Variants in TMC5 observed in about 807,000 individuals in gnomAD.
TMC5 encodes the protein transmembrane channel like 5, also known as transmembrane channel-like protein 5.
Under a neutral mutation model 110.5 loss-of-function variants are expected in TMC5, and 86 were observed. The observed-to-expected ratio is 0.78, with a 90% CI of 0.65 to 0.93. TMC5 has a LOEUF of 0.93. TMC5 is among the 40% of genes least tolerant of loss of function. The pLI, the probability that TMC5 is intolerant of heterozygous loss-of-function variation, is 0.00. For missense variants in TMC5, 1,144 were observed against 1,222.8 expected (o/e 0.94, Z 0.96); for synonymous variants, 455 against 439.5 (o/e 1.04, Z -0.44).
Position 19,472,106 on chromosome 16 carries a change from C to T in TMC5, c.1801C>T (p.Arg601Cys), listed in dbSNP as rs112279462. 5.1e-5 allele frequency: 82 copies of T among 1,613,954 alleles called. No individual in the cohort carries two copies. In the East Asian group the frequency reaches 5.1e-4, roughly 10 times the overall value. ...TTTCTAGGAGAACCTGTCAGAGCTCCGTCAGGAGAATTCCAAGTTGACGTT... is the reference window on the plus strand; with the variant it reads ...TTTCTAGGAGAACCTGTCAGAGCTCTGTCAGGAGAATTCCAAGTTGACGTT... Reference protein sequence around the residue: ...TEIRENLSELRQENSKLTFNQ... With the variant: ...TEIRENLSELCQENSKLTFNQ... The change falls in exon 11 of 22, where the codon CGT becomes TGT. Residue 601 changes from arginine to cysteine, a missense_variant. Coordinates refer to ENST00000542583, the MANE Select transcript of TMC5 (RefSeq NM_001261841.2).
At chr16:19,417,563 A>C (rs111844946), upstream of TMC5, 1 of 137,328 alleles carries the variant, frequency 7.3e-6, no homozygotes, top group African/African-American at 3.6e-5. Context: ...ACACAAAACG[A>C]ATCTATTTAC....
In TMC5 at chr16:19,440,673, T is replaced by C; in HGVS notation, c.635T>C (p.Ile212Thr). Reference sequence around the variant, plus strand: ...AAGCCTGATTATCCAGGCGCTGACATTCAACCTAACTCTCCACCCTTTTTT... The same window carrying C: ...AAGCCTGATTATCCAGGCGCTGACACTCAACCTAACTCTCCACCCTTTTTT... ...LGKPDYPGAD[I>T]QPNSPPFFGE... The change falls in exon 3 of 22, where the codon ATT becomes ACT. Residue 212 changes from isoleucine to threonine, a missense_variant. Transcript: ENST00000542583. The C allele has an allele frequency of 6.2e-7, 1 of 1,614,156 alleles. No individual in the cohort carries two copies. Among genetic ancestry groups the C allele is most frequent in the Non-Finnish European group, 8.5e-7 (1 of 1,180,022 alleles).
intron 1 of TMC5, among the ~76,000 whole-genome samples, chr16:19,421,829 A>G (rs1360890357): frequency 6.6e-6 from 1 of 152,248 alleles, no homozygotes; most frequent in Non-Finnish European, 1.5e-5. Flanking sequence ...GCATACACCT[A>G]TAGTCACAGC....
Position 19,440,332 on chromosome 16 carries a change from C to G in TMC5, c.294C>G (p.Ser98Arg). The change falls in exon 3 of 22, where the codon AGC becomes AGG. Residue 98 changes from serine to arginine, a missense_variant. Coordinates refer to ENST00000542583, the MANE Select transcript of TMC5 (RefSeq NM_001261841.2). ...SNAYSAASRT[S>R]PDHPTSLPEP... ...CATACTCTGCAGCCTCTAGAACAAG[C>G]CCAGACCATCCTACCTCTCTACCAG... 6.2e-7 allele frequency: 1 copy of G among 1,614,116 alleles called. No individual in the cohort carries two copies. Among genetic ancestry groups the G allele is most frequent in the Non-Finnish European group, 8.5e-7 (1 of 1,180,018 alleles).
intron 3 of TMC5, among the ~76,000 whole-genome samples, chr16:19,442,331 T>C (rs1386694103): frequency 6.7e-6 from 1 of 149,434 alleles, no homozygotes; most frequent in Admixed American, 6.7e-5. Flanking sequence ...TGTAATTTTT[T>C]TTTTTTTTTT....
Position 19,427,384 on chromosome 16 carries a change from C to T in TMC5, c.-307-3029C>T, listed in dbSNP as rs527990614. The stretch of plus-strand genomic sequence containing the variant: ...CAGGAATCACTTGAGTCCAGGAGTT[C>T]GAGGCTGCAGTGAGCTATCATCGTG... On this transcript the variant is annotated intron_variant, in intron 1 of 21. Transcript: ENST00000542583. 5.1e-4 allele frequency among the ~76,000 whole-genome samples: 77 copies of T among 152,264 alleles called. 1 individual carries two copies. Among genetic ancestry groups the T allele is most frequent in the African/African-American group, 1.6e-3 (67 of 41,572 alleles).
chr16:19,492,271 T>G, intron 19 of TMC5, 43 bp downstream of exon 19: 2 of 1,434,878 alleles, frequency 1.4e-6, no homozygotes, highest in East Asian at 4.6e-5. Context: ...CTCACCCTTT[T>G]TAAACGCTGT....
At chr16:19,449,655 T>C (rs750495692) in intron 5 of TMC5, 24 bp downstream of exon 5, 2 of 1,593,860 alleles carry the variant, frequency 1.3e-6, no homozygotes, top group Admixed American at 3.3e-5. Flanking sequence ...TTTGGCTCTG[T>C]GTCCCCACCC....
upstream of TMC5, chr16:19,417,563 A>G (rs111844946): frequency 2.8e-3 from 391 of 137,396 alleles, 2 homozygotes; most frequent in African/African-American, 0.014. Flanking sequence ...ACACAAAACG[A>G]ATCTATTTAC....
intron 8 of TMC5, among the ~76,000 whole-genome samples, chr16:19,464,886 T>TAA (rs371309841): frequency 6.8e-6 from 1 of 148,044 alleles, no homozygotes; most frequent in Non-Finnish European, 1.5e-5. Flanking sequence ...ACATACTTGA[T>TAA]AAAAAAAAAA....
rs1335064611 is a variant in TMC5 at position 19,434,397 on chromosome 16, T to TCATATATATCTATATATAATATAG, written c.-80+3757_-80+3758insCATATATATCTATATATAATATAG. On this transcript the variant is annotated intron_variant, in intron 2 of 21. Transcript: ENST00000542583. ...AGATCTATATATAATATAGATATAA[T>TCATATATATCTATATATAATATAG]ATATATATCATATATATCTATATAT... Among the ~76,000 whole-genome samples, 105 of 41,848 alleles carry TCATATATATCTATATATAATATAG rather than the reference T, an allele frequency of 2.5e-3. 3 individuals carry two copies. Among genetic ancestry groups the TCATATATATCTATATATAATATAG allele is most frequent in the East Asian group, 0.013 (7 of 558 alleles). The allele number at this position is 41,848 out of a possible 152,430, so 27.5% of individuals were successfully genotyped here. A position where few individuals can be genotyped will look rare whatever the true frequency, so the allele number is the denominator to read the frequency against.
intron 5 of TMC5, 66 bp from the exon 6 acceptor site, chr16:19,460,166 GCAC>G: frequency 8.1e-7 from 1 of 1,233,352 alleles, no homozygotes; most frequent in Non-Finnish European, 1.2e-6. Flanking sequence ...TCTGACTTCA[GCAC>G]CACATTTCAG....
At chr16:19,442,951 G>A (rs16972008) in intron 3 of TMC5, among the ~76,000 whole-genome samples, 6 of 151,932 alleles carry the variant, frequency 3.9e-5, no homozygotes, top group Admixed American at 6.6e-5. Context: ...GCTTTTCATC[G>A]TCCATGGGTC....
chr16:19,434,469 T>C (rs1342478917), intron 2 of TMC5, among the ~76,000 whole-genome samples: 1 of 58,564 alleles, frequency 1.7e-5, no homozygotes, highest in Non-Finnish European at 2.9e-5. Context: ...TATCTATAGA[T>C]AGATAGATAG....
intron 4 of TMC5, among the ~76,000 whole-genome samples, chr16:19,448,950 C>G (rs1315707460): frequency 6.7e-6 from 1 of 150,138 alleles, no homozygotes; most frequent in Non-Finnish European, 1.5e-5. Context: ...CAAGCTCCAC[C>G]TCCTGGGTTC....
At chr16:19,434,819 A>G (rs1485176498) in intron 2 of TMC5, among the ~76,000 whole-genome samples, 2 of 152,122 alleles carry the variant, frequency 1.3e-5, no homozygotes, top group Admixed American at 6.6e-5. Context: ...CCTTACAACA[A>G]TCCTATGAGA....
At chr16:19,438,833 GA>G (rs1182578006) in intron 2 of TMC5, among the ~76,000 whole-genome samples, 1 of 152,218 alleles carries the variant, frequency 6.6e-6, no homozygotes, top group Non-Finnish European at 1.5e-5. Context: ...AGACAAACTA[GA>G]GGTAACAGGG....
In TMC5 at chr16:19,473,345, CAAAAAAAAAAAAAAAAAAAAA is replaced by C. The variant is rs35872301; in HGVS notation, c.1939-764_1939-744del. 6.9e-4 allele frequency among the ~76,000 whole-genome samples: 14 copies of C among 20,240 alleles called. No individual in the cohort carries two copies. The East Asian group carries it at 0.027, about 39-fold the overall frequency. 13.3% of individuals were successfully genotyped at this position (20,240 alleles called of 152,430 possible). ...TGGGCAACAGAGCGAGACTCCGGCTCAAAAAAAAAAAAAAAAAAAAAAAAAAAAAAAAAAAACCAGCAGCAC... is the reference window on the plus strand; with the variant it reads ...TGGGCAACAGAGCGAGACTCCGGCTCAAAAAAAAAAAAAAACCAGCAGCAC... On this transcript the variant is annotated intron_variant, in intron 11 of 21. Transcript: ENST00000542583.
chr16:19,462,589 G>A (rs1968052313), intron 6 of TMC5: 1 of 698,364 alleles, frequency 1.4e-6, no homozygotes, highest in East Asian at 2.7e-5. Flanking sequence ...CATGTGCAGG[G>A]GAACTGCCCT....
Sources: allele counts gnomAD v4.1 joint callset (sites outside exome capture counted in the v4.1 genomes callset), GRCh38; gene constraint gnomAD v4.1.1; transcripts MANE v1.5; gene names NCBI Gene and HGNC (gene_info 2026-07-23, HGNC 2026-07-21).